PACRG: variants seen among roughly 807,000 people sequenced by gnomAD.
PACRG encodes parkin coregulated gene protein.
PACRG carries 29 observed loss-of-function variants against 29.7 expected under a neutral mutation model. That is an observed-to-expected ratio of 0.98 (90% CI 0.73 to 1.33). The LOEUF is 1.33. PACRG is among the 40% of genes most tolerant of loss of function. The probability of loss-of-function intolerance (pLI) is 0.00; values close to 1 mark genes in which losing one functional copy is unlikely to be tolerated. For synonymous variants in PACRG, 116 were observed against 118.7 expected, an observed-to-expected ratio of 0.98 and a Z score of 0.15; for missense variants, 279 against 316.2, an observed-to-expected ratio of 0.88 and a Z score of 0.89.
Position 163,276,947 on chromosome 6 carries a change from T to G in PACRG, c.614-37880T>G, listed in dbSNP as rs532498224. On this transcript the variant is annotated intron_variant, in intron 4 of 4. Coordinates refer to ENST00000366888, the MANE Select transcript of PACRG (RefSeq NM_001080379.2). ...CTAAACAACAGGTTCAAGTCTTCAG[T>G]TATTTCAAGAATAATTTCTTTAATG... Among the ~76,000 whole-genome samples, 29 of 152,370 alleles carry G rather than the reference T, an allele frequency of 1.9e-4. No individual in the cohort carries two copies. The South Asian group carries it at 5.8e-3, about 30-fold the overall frequency.
chr6:163,307,179 G>T (rs1434063731), intron 4 of PACRG, among the ~76,000 whole-genome samples: 3 of 152,192 alleles, frequency 2.0e-5, no homozygotes, highest in Admixed American at 1.3e-4. Flanking sequence ...ATATTGAATT[G>T]ACTCTTAGGC....
chr6:163,302,811 T>G (rs74662460), intron 4 of PACRG, among the ~76,000 whole-genome samples: 1 of 152,118 alleles, frequency 6.6e-6, no homozygotes, highest in Admixed American at 6.5e-5. Context: ...GTTTATCCAT[T>G]TAATTATTTT....
chr6:163,108,030 TGA>T (rs1190402865), intron 4 of PACRG, among the ~76,000 whole-genome samples: 2 of 152,234 alleles, frequency 1.3e-5, no homozygotes, highest in African/African-American at 4.8e-5. Flanking sequence ...GTTTTAGGTT[TGA>T]CATAAGGGAG....
Position 163,217,585 on chromosome 6 carries a change from A to G in PACRG, c.614-97242A>G, listed in dbSNP as rs914495825. ...GGCACTGGTCTGTGCTCTGTTAGGAAGCAGCTGCACAGCAGGAGGTGAGCA... is the reference window on the plus strand; with the variant it reads ...GGCACTGGTCTGTGCTCTGTTAGGAGGCAGCTGCACAGCAGGAGGTGAGCA... On this transcript the variant is annotated intron_variant, in intron 4 of 4. Transcript: ENST00000366888. Among the ~76,000 whole-genome samples, 14 of 152,168 alleles carry G rather than the reference A, an allele frequency of 9.2e-5. 1 individual carries two copies. Among genetic ancestry groups the G allele is most frequent in the African/African-American group, 3.4e-4 (14 of 41,448 alleles).
intron 2 of PACRG, among the ~76,000 whole-genome samples, chr6:163,006,938 T>C (rs1805175205): frequency 6.6e-6 from 1 of 152,056 alleles, no homozygotes; most frequent in South Asian, 2.1e-4. Flanking sequence ...GATTATGATG[T>C]GGTTGTTTCA....
intron 2 of PACRG, among the ~76,000 whole-genome samples, chr6:162,828,521 A>G (rs1319505277): frequency 1.3e-5 from 2 of 152,338 alleles, no homozygotes; most frequent in African/African-American, 4.8e-5. Context: ...TGAAGCAGCG[A>G]AATTCTCAGG....
At chr6:163,255,585 A>G (rs1473930333) in intron 4 of PACRG, among the ~76,000 whole-genome samples, 1 of 151,966 alleles carries the variant, frequency 6.6e-6, no homozygotes, top group East Asian at 1.9e-4. Context: ...GACCCACCCA[A>G]TCACCTGGGA....
At chr6:163,251,818 G>C (rs1314139231) in intron 4 of PACRG, among the ~76,000 whole-genome samples, 1 of 152,198 alleles carries the variant, frequency 6.6e-6, no homozygotes, top group Non-Finnish European at 1.5e-5. Flanking sequence ...ATCATAGTTA[G>C]TTATTACTAC....
At chr6:162,962,161 C>T (rs1257310088) in intron 2 of PACRG, among the ~76,000 whole-genome samples, 1 of 152,130 alleles carries the variant, frequency 6.6e-6, no homozygotes, top group East Asian at 1.9e-4. Flanking sequence ...TGGGCCTCCA[C>T]CTTACCTTGG....
At position 162,947,323 on chromosome 6, in the gene PACRG, TAC is replaced by T. The variant is rs375180330; in HGVS notation, c.292-114825_292-114824del. 3.6e-3 allele frequency among the ~76,000 whole-genome samples: 324 copies of T among 90,146 alleles called. 5 individuals carry two copies. Among genetic ancestry groups the T allele is most frequent in the African/African-American group, 0.012 (289 of 24,872 alleles). 59.1% of individuals were successfully genotyped at this position (90,146 alleles called of 152,430 possible). On this transcript the variant is annotated intron_variant, in intron 2 of 4. Transcript: ENST00000366888. The stretch of plus-strand genomic sequence containing the variant: ...ATATAATATATATAATCATATATAA[TAC>T]ATATAATCATATATATAATGATTAC...
intron 4 of PACRG, among the ~76,000 whole-genome samples, chr6:163,175,475 C>A (rs1422975416): frequency 6.6e-6 from 1 of 151,982 alleles, no homozygotes; most frequent in Admixed American, 6.6e-5. Flanking sequence ...CCCCAGCCAC[C>A]TGTGACTCTA....
intron 1 of PACRG, among the ~76,000 whole-genome samples, chr6:162,808,893 C>T (rs934452941): frequency 6.6e-6 from 1 of 152,048 alleles, no homozygotes; most frequent in Non-Finnish European, 1.5e-5. Flanking sequence ...AAATATGGAA[C>T]TTACCTAAGG....
chr6:163,069,745 T>G (rs1161951342), intron 3 of PACRG, among the ~76,000 whole-genome samples: 1 of 152,076 alleles, frequency 6.6e-6, no homozygotes, highest in African/African-American at 2.4e-5. Flanking sequence ...AGAAAGTTTA[T>G]GCAAAAGGAT....
chr6:162,750,207 C>G (rs1195808367), intron 1 of PACRG, among the ~76,000 whole-genome samples: 2 of 152,104 alleles, frequency 1.3e-5, no homozygotes, highest in Non-Finnish European at 2.9e-5. Context: ...TATAAGAAAC[C>G]ATAAATTTTA....
chr6:162,911,320 A>G (rs544075547), intron 2 of PACRG, among the ~76,000 whole-genome samples: 1 of 152,342 alleles, frequency 6.6e-6, no homozygotes, highest in South Asian at 2.1e-4. Flanking sequence ...TTTTGAAAGT[A>G]CAAGTGTGTG....
chr6:162,805,603 G>A (rs1298696377), intron 1 of PACRG, among the ~76,000 whole-genome samples: 2 of 152,144 alleles, frequency 1.3e-5, no homozygotes, highest in South Asian at 4.1e-4. Flanking sequence ...AATACCATTT[G>A]ATGCACAGTA....
At chr6:163,076,570 C>G (rs1281236220) in intron 3 of PACRG, among the ~76,000 whole-genome samples, 1 of 152,216 alleles carries the variant, frequency 6.6e-6, no homozygotes, top group East Asian at 1.9e-4. Context: ...TTTGGCATGG[C>G]TTTCAAGGAT....
intron 1 of PACRG, among the ~76,000 whole-genome samples, chr6:162,731,488 A>G (rs1423679378): frequency 1.3e-5 from 2 of 152,126 alleles, no homozygotes; most frequent in Non-Finnish European, 2.9e-5. Flanking sequence ...TAATATAGAC[A>G]TGATTTAAAG....
In PACRG at chr6:163,212,421, T is replaced by C. The variant is rs1439646030; in HGVS notation, c.614-102406T>C. 3.9e-5 allele frequency among the ~76,000 whole-genome samples: 6 copies of C among 152,038 alleles called. No homozygotes were observed. The East Asian group carries it at 7.7e-4, about 20-fold the overall frequency. On this transcript the variant is annotated intron_variant, in intron 4 of 4. Coordinates refer to ENST00000366888, the MANE Select transcript of PACRG (RefSeq NM_001080379.2). ...AAAGGAACCAAAGCTCCTTGAGAAATGGCCAATTCCAGAACTAAGGCAGGA... is the reference window on the plus strand; with the variant it reads ...AAAGGAACCAAAGCTCCTTGAGAAACGGCCAATTCCAGAACTAAGGCAGGA...
Sources: gnomAD v4.1 joint callset for allele counts (sites outside exome capture counted in the v4.1 genomes callset) on GRCh38, gnomAD v4.1.1 for gene constraint, MANE v1.5 for transcripts, NCBI Gene and HGNC (gene_info 2026-07-23, HGNC 2026-07-21) for gene names.